MGAT4C: variants seen among roughly 807,000 people sequenced by gnomAD.
The protein encoded by MGAT4C is alpha-1,3-mannosyl-glycoprotein 4-beta-N-acetylglucosaminyltransferase C.
MGAT4C carries 19 observed loss-of-function variants against 40.1 expected under a neutral mutation model. The ratio of observed to expected loss-of-function variants is 0.47; its 90% CI spans 0.33 to 0.70. The LOEUF is 0.70. Among genes scored for constraint, MGAT4C ranks in the 30% least tolerant of loss-of-function variants. The pLI, the probability that MGAT4C is intolerant of heterozygous loss-of-function variation, is 0.02. For synonymous variants in MGAT4C, 181 were observed against 187.1 expected (o/e 0.97, Z 0.27); for missense variants, 491 against 563.2 (o/e 0.87, Z 1.30).
intron 2 of MGAT4C, among the ~76,000 whole-genome samples, chr12:86,525,348 C>A (rs1958863058): frequency 6.6e-6 from 1 of 152,160 alleles, no homozygotes; most frequent in East Asian, 1.9e-4. Context: ...GAGGCCTCCC[C>A]AGTCACATGG....
At chr12:86,295,401 C>T (rs1006869477) in intron 4 of MGAT4C, among the ~76,000 whole-genome samples, 2 of 152,092 alleles carry the variant, frequency 1.3e-5, no homozygotes, top group African/African-American at 2.4e-5. Context: ...CTTAAGGCAG[C>T]GCGTCTGGAG....
At chr12:86,479,405 G>T (rs1957896402) in intron 2 of MGAT4C, among the ~76,000 whole-genome samples, 2 of 151,902 alleles carry the variant, frequency 1.3e-5, no homozygotes, top group African/African-American at 4.8e-5. Flanking sequence ...CTTGGGTAAA[G>T]TGAGTAGGGC....
chr12:86,231,030 C>T (rs148011782), intron 1 of MGAT4C, among the ~76,000 whole-genome samples: 2 of 152,036 alleles, frequency 1.3e-5, no homozygotes, highest in East Asian at 1.9e-4. Context: ...GTAGAAAAGC[C>T]GAGTCAAATT....
At chr12:86,069,446 A>T (rs1201785459) in intron 1 of MGAT4C, among the ~76,000 whole-genome samples, 4 of 152,146 alleles carry the variant, frequency 2.6e-5, no homozygotes, top group Admixed American at 2.6e-4. Flanking sequence ...TAGATTTTAC[A>T]TGGGCTATTT....
chr12:86,185,025 C>G lies in MGAT4C; in HGVS notation c.-57+71214G>C, dbSNP rs148168710. ...GTTTCCTGTTTCTGTCTCTTCAGCC[C>G]TTTTCTGCCCATAAAGCCAGCTTCC... On this transcript the variant is annotated intron_variant, in intron 1 of 4. Transcript: ENST00000611864. Among the ~76,000 whole-genome samples, 15 of 152,224 alleles carry G rather than the reference C, an allele frequency of 9.9e-5. No individual in the cohort carries two copies. The East Asian group carries it at 2.9e-3, about 29-fold the overall frequency.
chr12:86,476,395 C>T (rs1414002462), intron 2 of MGAT4C, among the ~76,000 whole-genome samples: 4 of 152,006 alleles, frequency 2.6e-5, no homozygotes, highest in African/African-American at 9.7e-5. Flanking sequence ...AATACCATCC[C>T]ATTTTCTGTT....
At position 86,542,165 on chromosome 12, in the gene MGAT4C, G is replaced by T. The variant is rs186565041; in HGVS notation, c.-228-106900C>A. On this transcript the variant is annotated intron_variant, in intron 2 of 7. Transcript: ENST00000548651. ...TAGACATGCTGAATCTGAAACGCTG[G>T]GGAAATAGGGCTCAGTGATATTTTA... Among the ~76,000 whole-genome samples the T allele has an allele frequency of 2.8e-4, 43 of 152,208 alleles. 1 individual carries two copies. In the Middle Eastern group the frequency reaches 0.014, roughly 48 times the overall value.
chr12:86,696,377 A>G (rs1037594860), intron 2 of MGAT4C, among the ~76,000 whole-genome samples: 1 of 152,226 alleles, frequency 6.6e-6, no homozygotes, highest in Admixed American at 6.5e-5. Context: ...ACTAAAAAAA[A>G]GTGGTTAGTC....
chr12:86,406,071 A>G (rs185989391), intron 3 of MGAT4C, among the ~76,000 whole-genome samples: 1 of 145,956 alleles, frequency 6.9e-6, no homozygotes, highest in Non-Finnish European at 1.5e-5. Flanking sequence ...AGTAATTTTT[A>G]TATATATATA....
At chr12:86,218,987 T>G (rs899568724) in intron 1 of MGAT4C, among the ~76,000 whole-genome samples, 5 of 152,056 alleles carry the variant, frequency 3.3e-5, no homozygotes, top group African/African-American at 1.2e-4. Flanking sequence ...GAGACCATCC[T>G]GGTTAAGATG....
At chr12:86,764,180 A>G (rs1435860822) in intron 1 of MGAT4C, among the ~76,000 whole-genome samples, 1 of 152,122 alleles carries the variant, frequency 6.6e-6, no homozygotes, top group Non-Finnish European at 1.5e-5. Flanking sequence ...CTTTTCTGAG[A>G]GGCTTAAAAA....
intron 1 of MGAT4C, among the ~76,000 whole-genome samples, chr12:86,767,132 A>G: frequency 6.6e-6 from 1 of 152,128 alleles, no homozygotes; most frequent in Admixed American, 6.6e-5. Context: ...CAAGATTAAT[A>G]AAGAAAAAAA....
chr12:86,767,839 G>A (rs1593188055), intron 1 of MGAT4C, among the ~76,000 whole-genome samples: 1 of 152,098 alleles, frequency 6.6e-6, no homozygotes, highest in Admixed American at 6.6e-5. Context: ...AAAACTCTCA[G>A]TAAATTAAGT....
intron 2 of MGAT4C, among the ~76,000 whole-genome samples, chr12:86,706,661 GA>G (rs1458362732): frequency 6.6e-6 from 1 of 152,042 alleles, no homozygotes; most frequent in African/African-American, 2.4e-5. Context: ...TTATTTCAAG[GA>G]ATGACATTAT....
chr12:86,476,748 T>C (rs1338549139), intron 2 of MGAT4C, among the ~76,000 whole-genome samples: 1 of 151,820 alleles, frequency 6.6e-6, no homozygotes, highest in Non-Finnish European at 1.5e-5. Flanking sequence ...TACACAGCCA[T>C]AAAAAGGAAA....
intron 2 of MGAT4C, among the ~76,000 whole-genome samples, chr12:86,675,060 A>C (rs1263917676): frequency 6.6e-6 from 1 of 152,152 alleles, no homozygotes; most frequent in African/African-American, 2.4e-5. Flanking sequence ...TACAACACTC[A>C]GAAAAATTAT....
intron 2 of MGAT4C, among the ~76,000 whole-genome samples, chr12:86,697,495 T>C (rs1221457792): frequency 6.6e-6 from 1 of 152,038 alleles, no homozygotes; most frequent in Non-Finnish European, 1.5e-5. Flanking sequence ...AAGTCACTCC[T>C]AGAAAAATCA....
intron 1 of MGAT4C, among the ~76,000 whole-genome samples, chr12:86,805,202 C>G (rs1952326863): frequency 6.6e-6 from 1 of 151,638 alleles, no homozygotes; most frequent in Non-Finnish European, 1.5e-5. Flanking sequence ...ACAACTATTT[C>G]TTTCTTTTTT....
chr12:86,010,105 T>G (rs1888305218), intron 2 of MGAT4C, among the ~76,000 whole-genome samples: 1 of 152,152 alleles, frequency 6.6e-6, no homozygotes, highest in Admixed American at 6.5e-5. Context: ...ATTGTGATAA[T>G]GTCAAAAAAT....
Sources: allele counts gnomAD v4.1 joint callset (sites outside exome capture counted in the v4.1 genomes callset), GRCh38; gene constraint gnomAD v4.1.1; transcripts MANE v1.5; gene names NCBI Gene and HGNC (gene_info 2026-07-23, HGNC 2026-07-21).